The following ATP6V0D2 variants were observed in gnomAD, a reference collection of about 807,000 sequenced individuals.
The protein encoded by ATP6V0D2 is ATPase H+ transporting V0 subunit d2.
Under a neutral mutation model 40.0 loss-of-function variants are expected in ATP6V0D2, and 40 were observed. That is an observed-to-expected ratio of 1.00 (90% CI 0.78 to 1.30). ATP6V0D2 has a LOEUF of 1.30. ATP6V0D2 is among the 50% of genes most tolerant of loss of function. The pLI is 0.00. For missense variants in ATP6V0D2, 470 were observed against 423.1 expected, an observed-to-expected ratio of 1.11 and a Z score of -0.97; for synonymous variants, 179 against 156.3, an observed-to-expected ratio of 1.15 and a Z score of -1.08.
intron 2 of ATP6V0D2, 81 bp downstream of exon 2, chr8:86,113,961 C>A: frequency 7.6e-7 from 1 of 1,317,196 alleles, no homozygotes; most frequent in East Asian, 2.5e-5. Flanking sequence ...GGGTATCAAG[C>A]CAGAGTGAGA....
chr8:86,130,168 C>T (rs1818803887), intron 2 of ATP6V0D2, among the ~76,000 whole-genome samples: 1 of 152,050 alleles, frequency 6.6e-6, no homozygotes, highest in Non-Finnish European at 1.5e-5. Context: ...ATGGCATTTA[C>T]TGTTGTTACC....
Position 86,153,160 on chromosome 8 carries a change from AGTG to A in ATP6V0D2, c.*186_*188del, listed in dbSNP as rs1819180709. The A allele has an allele frequency of 2.2e-6, 1 of 452,596 alleles. No homozygotes were observed. Among genetic ancestry groups the A allele is most frequent in the Non-Finnish European group, 3.7e-6 (1 of 266,712 alleles). 28.0% of individuals were successfully genotyped at this position (452,596 alleles called of 1,614,324 possible). A position where few individuals can be genotyped will look rare whatever the true frequency, so the allele number is the denominator to read the frequency against. The stretch of plus-strand genomic sequence containing the variant: ...TGAAACAAAGCATTTCCTTGTTTTC[AGTG>A]GTATTAGATCTTGTTTCCACATGTC... On this transcript the variant is annotated 3_prime_UTR_variant, in exon 8 of 8. Transcript: ENST00000285393.
At chr8:86,113,645 T>C (rs1354751119) in intron 1 of ATP6V0D2, 64 bp from the exon 2 acceptor site, 4 of 1,378,108 alleles carry the variant, frequency 2.9e-6, no homozygotes, top group Non-Finnish European at 4.0e-6. Flanking sequence ...ATTCAACTAA[T>C]GTTGAAAAAG....
At chr8:86,133,578 C>T (rs1446185994) in intron 2 of ATP6V0D2, among the ~76,000 whole-genome samples, 1 of 151,942 alleles carries the variant, frequency 6.6e-6, no homozygotes, top group Non-Finnish European at 1.5e-5. Flanking sequence ...ACCTCAGCCT[C>T]CCAAAGTGCT....
At chr8:86,145,349 A>AGAAGGAAGGAAG (rs376086337) in intron 5 of ATP6V0D2, among the ~76,000 whole-genome samples, 1 of 83,916 alleles carries the variant, frequency 1.2e-5, no homozygotes. Context: ...AAAGAAGGAA[A>AGAAGGAAGGAAG]GAAGGAAGGA....
At chr8:86,125,481 G>GT (rs766355445) in intron 2 of ATP6V0D2, among the ~76,000 whole-genome samples, 3 of 152,090 alleles carry the variant, frequency 2.0e-5, no homozygotes, top group Non-Finnish European at 4.4e-5. Flanking sequence ...AATGAAAGAG[G>GT]TTTTTTACTA....
chr8:86,128,811 T>C (rs954329146), intron 2 of ATP6V0D2, among the ~76,000 whole-genome samples: 3 of 152,216 alleles, frequency 2.0e-5, no homozygotes, highest in Non-Finnish European at 4.4e-5. Context: ...GTCTTCTTTT[T>C]TGGTGTCCCA....
chr8:86,101,331 A>T (rs911204044), intron 1 of ATP6V0D2, among the ~76,000 whole-genome samples: 2 of 151,698 alleles, frequency 1.3e-5, no homozygotes, highest in African/African-American at 4.8e-5. Flanking sequence ...ATGGTGGTGC[A>T]TGCCTGTAGT....
At chr8:86,105,482 G>A (rs1818457308) in intron 1 of ATP6V0D2, among the ~76,000 whole-genome samples, 1 of 151,906 alleles carries the variant, frequency 6.6e-6, no homozygotes, top group Non-Finnish European at 1.5e-5. Flanking sequence ...TATTTTTGTA[G>A]AGACAGGGTT....
intron 1 of ATP6V0D2, among the ~76,000 whole-genome samples, chr8:86,110,917 T>G (rs987418053): frequency 1.3e-5 from 2 of 152,136 alleles, no homozygotes; most frequent in Non-Finnish European, 2.9e-5. Flanking sequence ...GCCTGCCCAA[T>G]GTGACCTACA....
chr8:86,115,335 T>A (rs1235046587), intron 2 of ATP6V0D2, among the ~76,000 whole-genome samples: 2 of 151,344 alleles, frequency 1.3e-5, no homozygotes, highest in Middle Eastern at 3.4e-3. Flanking sequence ...CTTCTATTCT[T>A]TCTTTGTCCT....
At chr8:86,149,055 G>GAAAAAAAAA (rs1376369799) in intron 5 of ATP6V0D2, among the ~76,000 whole-genome samples, 2 of 110,130 alleles carry the variant, frequency 1.8e-5, no homozygotes, top group Admixed American at 1.2e-4. Flanking sequence ...TCCAAAGGAA[G>GAAAAAAAAA]AAAAAAAAAA....
At chr8:86,147,915 C>T (rs1819092914) in intron 5 of ATP6V0D2, among the ~76,000 whole-genome samples, 1 of 152,056 alleles carries the variant, frequency 6.6e-6, no homozygotes, top group African/African-American at 2.4e-5. Flanking sequence ...AGCCAAAGCC[C>T]TTTCTTCTTA....
chr8:86,132,697 T>C (rs751126205), intron 2 of ATP6V0D2, among the ~76,000 whole-genome samples: 15 of 152,232 alleles, frequency 9.9e-5, no homozygotes, highest in Non-Finnish European at 1.6e-4. Flanking sequence ...ATTGTGTATC[T>C]GTACCATACT....
intron 1 of ATP6V0D2, among the ~76,000 whole-genome samples, chr8:86,113,257 T>A (rs1266325493): frequency 6.6e-6 from 1 of 151,890 alleles, no homozygotes; most frequent in Non-Finnish European, 1.5e-5. Context: ...GGTGGACAGA[T>A]CACTTGAGGT....
chr8:86,150,387 G>A, intron 6 of ATP6V0D2, 99 bp downstream of exon 6: 2 of 1,200,308 alleles, frequency 1.7e-6, no homozygotes, highest in South Asian at 3.2e-5. Context: ...CTCAAAAGAA[G>A]TAATAATATT....
intron 1 of ATP6V0D2, among the ~76,000 whole-genome samples, chr8:86,108,681 G>C (rs558452633): frequency 6.6e-6 from 1 of 151,982 alleles, no homozygotes; most frequent in African/African-American, 2.4e-5. Context: ...CAACCCTCCT[G>C]CCTCGGCCTC....
At chr8:86,144,867 A>G (rs1048543879) in intron 5 of ATP6V0D2, among the ~76,000 whole-genome samples, 1 of 151,866 alleles carries the variant, frequency 6.6e-6, no homozygotes, top group Non-Finnish European at 1.5e-5. Context: ...TGAAAAGACC[A>G]GGTCTTGGCT....
intron 2 of ATP6V0D2, among the ~76,000 whole-genome samples, chr8:86,131,951 G>C (rs1818831096): frequency 2.0e-5 from 3 of 152,024 alleles, no homozygotes; most frequent in Admixed American, 6.6e-5. Flanking sequence ...GCTTTCCAAG[G>C]GTTATGGAGA....
Sources: allele counts gnomAD v4.1 joint callset (sites outside exome capture counted in the v4.1 genomes callset), GRCh38; gene constraint gnomAD v4.1.1; transcripts MANE v1.5; gene names NCBI Gene and HGNC (gene_info 2026-07-23, HGNC 2026-07-21).